The following TMEM255B variants were observed in gnomAD, a reference collection of about 807,000 sequenced individuals.
TMEM255B encodes family with sequence similarity 70, member B.
A neutral mutation model predicts 34.5 loss-of-function variants in TMEM255B; 35 were observed. That is an observed-to-expected ratio of 1.01 (90% CI 0.77 to 1.34). TMEM255B has a LOEUF of 1.34. Ranked by LOEUF, TMEM255B falls within the 40% of genes most tolerant of loss-of-function variation. The pLI is 0.00. For synonymous variants in TMEM255B, 206 were observed against 201.2 expected (o/e 1.02, Z -0.20); for missense variants, 432 against 433.2 (o/e 1.00, Z 0.02).
intron 3 of TMEM255B, among the ~76,000 whole-genome samples, chr13:113,793,788 C>T (rs1419055929): frequency 2.0e-5 from 3 of 152,236 alleles, no homozygotes; most frequent in African/African-American, 4.8e-5. Context: ...TGGCCAGCAG[C>T]GTGGTGCGCC....
chr13:113,774,772 ACACACAATACACAATACACGCTC>A (rs2050540524), intron 3 of TMEM255B, among the ~76,000 whole-genome samples: 1 of 145,324 alleles, frequency 6.9e-6, no homozygotes, highest in Non-Finnish European at 1.5e-5. Flanking sequence ...ACCACACACA[ACACACAATACACAATACACGCTC>A]CACACAATAC....
intron 1 of TMEM255B, among the ~76,000 whole-genome samples, chr13:113,764,901 A>G (rs375096519): frequency 2.0e-5 from 3 of 152,190 alleles, no homozygotes; most frequent in East Asian, 3.9e-4. Flanking sequence ...TGGGGCAACC[A>G]GGGAGAGGCT....
In TMEM255B at chr13:113,811,922, G is replaced by C; in HGVS notation, c.*19G>C. On this transcript the variant is annotated 3_prime_UTR_variant, in exon 9 of 9. Coordinates refer to ENST00000375353, the MANE Select transcript of TMEM255B (RefSeq NM_182614.4). ...ACCCTGATAGAGGCGTGGAGTAAAAGATAACTTGTTTGTTTTTTTTTTTAA... is the reference window on the plus strand; with the variant it reads ...ACCCTGATAGAGGCGTGGAGTAAAACATAACTTGTTTGTTTTTTTTTTTAA... The C allele has an allele frequency of 6.4e-7, 1 of 1,551,980 alleles. No homozygotes were observed. Among genetic ancestry groups the C allele is most frequent in the African/African-American group, 1.4e-5 (1 of 70,832 alleles).
intron 2 of TMEM255B, chr13:113,768,169 C>G (rs189359008): frequency 6.0e-5 from 28 of 468,822 alleles, no homozygotes; most frequent in Admixed American, 1.2e-4. Context: ...CTGGGAAGTG[C>G]GACCGGCCCG....
chr13:113,767,145 G>A (rs2050405218), intron 2 of TMEM255B, among the ~76,000 whole-genome samples: 2 of 152,142 alleles, frequency 1.3e-5, no homozygotes, highest in Non-Finnish European at 2.9e-5. Context: ...TAATAATATT[G>A]ATGACAATCA....
intron 1 of TMEM255B, among the ~76,000 whole-genome samples, chr13:113,760,173 T>A (rs1338040175): frequency 6.6e-6 from 1 of 152,168 alleles, no homozygotes; most frequent in Admixed American, 6.5e-5. Context: ...TTCTGGGGAT[T>A]AACCTCACAA....
chr13:113,766,502 C>A (rs1385988892), intron 2 of TMEM255B: 2 of 614,580 alleles, frequency 3.3e-6, no homozygotes, highest in Non-Finnish European at 5.9e-6. Flanking sequence ...CAAAATAGGG[C>A]CAGGTGCCCT....
Position 113,794,946 on chromosome 13 carries a change from C to T in TMEM255B, c.253-202C>T, listed in dbSNP as rs115205472. 9.5e-3 allele frequency among the ~76,000 whole-genome samples: 1,444 copies of T among 152,356 alleles called. 23 individuals carry two copies. Among genetic ancestry groups the T allele is most frequent in the African/African-American group, 0.034 (1,399 of 41,584 alleles). ...CCGTGCAGAAGGCGCCTGGGTGGGT[C>T]TTGCGGAATAGACGCGTGAGGACGA... On this transcript the variant is annotated intron_variant, in intron 3 of 8. Coordinates refer to ENST00000375353, the MANE Select transcript of TMEM255B (RefSeq NM_182614.4).
At chr13:113,796,931 C>T (rs1020947447) in intron 4 of TMEM255B, among the ~76,000 whole-genome samples, 1 of 152,168 alleles carries the variant, frequency 6.6e-6, no homozygotes, top group East Asian at 1.9e-4. Flanking sequence ...ATGCACACAC[C>T]ACGGCCCACA....
In TMEM255B at chr13:113,815,993, C is replaced by T. The variant is rs9604506; in HGVS notation, c.*4090C>T. 818 of 176,386 alleles carry T rather than the reference C, an allele frequency of 4.6e-3. 11 individuals are homozygous for T. Among genetic ancestry groups the T allele is most frequent in the African/African-American group, 0.019 (787 of 41,512 alleles). The allele number at this position is 176,386 out of a possible 1,614,324, so 10.9% of individuals were successfully genotyped here. The stretch of plus-strand genomic sequence containing the variant: ...CAGAAGCCGACTGGGAAAGGAGGTG[C>T]AGTCACTGCTCAGGGACACGGGTTC... On this transcript the variant is annotated 3_prime_UTR_variant, in exon 9 of 9. Coordinates refer to ENST00000375353, the MANE Select transcript of TMEM255B (RefSeq NM_182614.4).
chr13:113,800,687 T>G (rs1594159666), intron 5 of TMEM255B, 140 bp from the exon 6 acceptor site: 1 of 738,064 alleles, frequency 1.4e-6, no homozygotes, highest in Non-Finnish European at 2.3e-6. Context: ...GTGTCTGGAG[T>G]CGGGGGAAAG....
At chr13:113,794,134 G>A (rs2050879119) in intron 3 of TMEM255B, among the ~76,000 whole-genome samples, 1 of 152,188 alleles carries the variant, frequency 6.6e-6, no homozygotes, top group Admixed American at 6.5e-5. Context: ...TCCACGTGAG[G>A]GTCACGGTCG....
At chr13:113,788,875 C>A (rs1229506550) in intron 3 of TMEM255B, among the ~76,000 whole-genome samples, 1 of 152,086 alleles carries the variant, frequency 6.6e-6, no homozygotes, top group East Asian at 1.9e-4. Context: ...CACCCGGGGG[C>A]CGCGCCGCGC....
intron 3 of TMEM255B, among the ~76,000 whole-genome samples, chr13:113,773,816 A>T (rs377214709): frequency 2.0e-5 from 3 of 152,238 alleles, no homozygotes; most frequent in Non-Finnish European, 4.4e-5. Flanking sequence ...GCCAATGCAC[A>T]TGAGAATGTC....
chr13:113,799,472 C>A, intron 5 of TMEM255B, 53 bp downstream of exon 5: 1 of 1,565,722 alleles, frequency 6.4e-7, no homozygotes, highest in Non-Finnish European at 8.8e-7. Flanking sequence ...ACCCCGCCGA[C>A]CCCACGCGGT....
Position 113,812,154 on chromosome 13 carries a change from A to C in TMEM255B, c.*251A>C. On this transcript the variant is annotated 3_prime_UTR_variant, in exon 9 of 9. Coordinates refer to ENST00000375353, the MANE Select transcript of TMEM255B (RefSeq NM_182614.4). ...ACATCAAATGGCGCTGAAAGTTCCC[A>C]CCCGGCCTCCTCCTCTGAGAGCAAT... 1 of 520,364 alleles carries C rather than the reference A, an allele frequency of 1.9e-6. No homozygotes were observed. The highest frequency in any genetic ancestry group is 2.9e-5 in the South Asian group (1 of 35,084). 32.2% of individuals were successfully genotyped at this position (520,364 alleles called of 1,614,324 possible). A position where few individuals can be genotyped will look rare whatever the true frequency, so the allele number is the denominator to read the frequency against.
chr13:113,803,876 G>A (rs994888341), intron 7 of TMEM255B, among the ~76,000 whole-genome samples: 1 of 152,288 alleles, frequency 6.6e-6, no homozygotes, highest in Non-Finnish European at 1.5e-5. Context: ...GGACACCTCA[G>A]GCCTGGGGTC....
At chr13:113,768,530 CCAGGTGCCCCCTCTGTGCCTGGCT>C (rs1453830573) in intron 2 of TMEM255B, among the ~76,000 whole-genome samples, 16 of 152,054 alleles carry the variant, frequency 1.1e-4, no homozygotes, top group African/African-American at 1.4e-4. Context: ...TGTGCCTGGC[CCAGGTGCCCCCTCTGTGCCTGGCT>C]CAGGTGCCCT....
At position 113,770,184 on chromosome 13, in the gene TMEM255B, G is replaced by A. The variant is rs1345510497; in HGVS notation, c.252+1024G>A. Among the ~76,000 whole-genome samples, 1 of 152,232 alleles carries A rather than the reference G, an allele frequency of 6.6e-6. No individual in the cohort carries two copies. Among genetic ancestry groups the A allele is most frequent in the Admixed American group, 6.5e-5 (1 of 15,284 alleles). Reference sequence around the variant, plus strand: ...GGAAGCCTCACGATCACGGCGGAAGGTAAGGAGGAGCAAGTCCTGTCTTAC... The same window carrying A: ...GGAAGCCTCACGATCACGGCGGAAGATAAGGAGGAGCAAGTCCTGTCTTAC... On this transcript the variant is annotated intron_variant, in intron 3 of 8. Coordinates refer to ENST00000375353, the MANE Select transcript of TMEM255B (RefSeq NM_182614.4). This position sits in a 1 kb window ranked among gnomAD's most constrained non-coding sequence, Gnocchi z 4.6.
Sources: gnomAD v4.1 joint callset for allele counts (sites outside exome capture counted in the v4.1 genomes callset) on GRCh38, gnomAD v4.1.1 for gene constraint, Gnocchi (gnomAD v3.1) non-coding constraint, MANE v1.5 for transcripts, NCBI Gene and HGNC (gene_info 2026-07-23, HGNC 2026-07-21) for gene names.